The following DACH1 variants were observed in gnomAD, a reference collection of about 807,000 sequenced individuals.
DACH1 encodes the protein dachshund family transcription factor 1.
Under a neutral mutation model 54.2 loss-of-function variants are expected in DACH1, and 12 were observed. The ratio of observed to expected loss-of-function variants is 0.22; its 90% CI spans 0.14 to 0.36. DACH1 has a LOEUF of 0.36. Among genes scored for constraint, DACH1 ranks in the 10% least tolerant of loss-of-function variants. DACH1 has a pLI of 1.00. For synonymous variants in DACH1, 386 were observed against 366.2 expected (o/e 1.05, Z -0.62); for missense variants, 805 against 929.8 (o/e 0.87, Z 1.75).
intron 2 of DACH1, among the ~76,000 whole-genome samples, chr13:71,663,368 A>C (rs2138657757): frequency 6.6e-6 from 1 of 152,186 alleles, no homozygotes; most frequent in South Asian, 2.1e-4. Context: ...AATAAAACAT[A>C]AGAGAAAAAA....
At chr13:71,687,626 G>C (rs1169757299) in intron 1 of DACH1, among the ~76,000 whole-genome samples, 1 of 151,796 alleles carries the variant, frequency 6.6e-6, no homozygotes, top group Non-Finnish European at 1.5e-5. Context: ...TTTGTTTTTT[G>C]ACACAAGGTC....
chr13:71,538,470 C>G (rs1016105869), intron 6 of DACH1, among the ~76,000 whole-genome samples: 10 of 151,708 alleles, frequency 6.6e-5, no homozygotes, highest in African/African-American at 2.2e-4. Context: ...GTCTTCCTTA[C>G]CTATATAAGA....
At chr13:71,600,721 G>T (rs1874428540) in intron 3 of DACH1, among the ~76,000 whole-genome samples, 7 of 151,990 alleles carry the variant, frequency 4.6e-5, no homozygotes. Context: ...GTTATCCACA[G>T]ATAGACTGGT....
At chr13:71,704,958 T>A (rs191142923) in intron 1 of DACH1, among the ~76,000 whole-genome samples, 5 of 152,232 alleles carry the variant, frequency 3.3e-5, no homozygotes, top group Non-Finnish European at 5.9e-5. Flanking sequence ...AATAAAATAA[T>A]TAAAAAAATA....
At chr13:71,780,299 T>A (rs1254806049) in intron 1 of DACH1, among the ~76,000 whole-genome samples, 1 of 152,184 alleles carries the variant, frequency 6.6e-6, no homozygotes, top group African/African-American at 2.4e-5. Context: ...TTGTGCTATA[T>A]AAATTTATAT....
chr13:71,521,569 AAC>A (rs1463906902), intron 6 of DACH1, among the ~76,000 whole-genome samples: 11 of 152,064 alleles, frequency 7.2e-5, no homozygotes, highest in Non-Finnish European at 1.0e-4. Context: ...AAGGCAAGGT[AAC>A]TGTTATTCCT....
chr13:71,801,765 C>A (rs1251896490), intron 1 of DACH1, among the ~76,000 whole-genome samples: 3 of 151,658 alleles, frequency 2.0e-5, no homozygotes, highest in Admixed American at 6.6e-5. Context: ...CTTAACGTGC[C>A]ACCCTTCAGG....
At chr13:71,602,429 TA>T (rs1874563516) in intron 3 of DACH1, among the ~76,000 whole-genome samples, 1 of 151,360 alleles carries the variant, frequency 6.6e-6, no homozygotes, top group Non-Finnish European at 1.5e-5. Flanking sequence ...CTATTCTCCT[TA>T]ACCCTTTTTT....
chr13:71,533,020 A>G (rs1283953923), intron 6 of DACH1, among the ~76,000 whole-genome samples: 1 of 151,904 alleles, frequency 6.6e-6, no homozygotes, highest in Non-Finnish European at 1.5e-5. Context: ...AGAGACAACT[A>G]TTCAGGTTTT....
At chr13:71,732,237 C>T (rs1251830916) in intron 1 of DACH1, among the ~76,000 whole-genome samples, 1 of 152,078 alleles carries the variant, frequency 6.6e-6, no homozygotes, top group African/African-American at 2.4e-5. Context: ...TTCATTACCT[C>T]TTCTACTGTC....
chr13:71,759,298 A>G (rs1885302783), intron 1 of DACH1, among the ~76,000 whole-genome samples: 2 of 152,024 alleles, frequency 1.3e-5, no homozygotes, highest in African/African-American at 4.8e-5. Flanking sequence ...TTCTTCATGG[A>G]AAGACAGCCT....
chr13:71,764,459 T>C (rs1053319370), intron 1 of DACH1, among the ~76,000 whole-genome samples: 2 of 152,134 alleles, frequency 1.3e-5, no homozygotes, highest in Non-Finnish European at 2.9e-5. Flanking sequence ...TACATTTAAT[T>C]ATATAAAACT....
intron 3 of DACH1, among the ~76,000 whole-genome samples, chr13:71,619,410 T>G (rs1433186754): frequency 6.6e-6 from 1 of 151,894 alleles, no homozygotes; most frequent in Non-Finnish European, 1.5e-5. Flanking sequence ...ACTAAATGAG[T>G]ACATCATCAT....
intron 7 of DACH1, among the ~76,000 whole-genome samples, chr13:71,481,986 G>A (rs1878074445): frequency 1.3e-5 from 2 of 152,160 alleles, no homozygotes; most frequent in Admixed American, 6.5e-5. Flanking sequence ...GACAAAAAAC[G>A]ATAGAAGGTT....
chr13:71,462,037 C>CT (rs1389427466), intron 10 of DACH1, among the ~76,000 whole-genome samples: 1 of 151,924 alleles, frequency 6.6e-6, no homozygotes, highest in Non-Finnish European at 1.5e-5. Flanking sequence ...ATCCAGCACT[C>CT]TTTCTCCCAG....
chr13:71,705,156 G>T (rs1313316973), intron 1 of DACH1, among the ~76,000 whole-genome samples: 1 of 152,092 alleles, frequency 6.6e-6, no homozygotes, highest in Non-Finnish European at 1.5e-5. Context: ...GTGTAGGACA[G>T]GACCAAAAAT....
At chr13:71,475,355 C>T (rs1281025572) in intron 9 of DACH1, 146 bp from the exon 10 acceptor site, 5 of 734,838 alleles carry the variant, frequency 6.8e-6, no homozygotes, top group African/African-American at 3.6e-5. Context: ...AAACTGTAAC[C>T]GTAAGAATTT....
rs537407889 is a variant in DACH1 at position 71,680,344 on chromosome 13, G to A, written c.964+1451C>T. 2.1e-4 allele frequency among the ~76,000 whole-genome samples: 32 copies of A among 152,180 alleles called. 1 individual carries two copies. The South Asian group carries it at 6.0e-3, about 29-fold the overall frequency. ...TGGCTGGGTATGGTGGCTCATGCCC[G>A]TAATCCAGGAACTTTGGAAGGCCAA... On this transcript the variant is annotated intron_variant, in intron 2 of 10. Coordinates refer to ENST00000613252, the MANE Select transcript of DACH1 (RefSeq NM_080759.6).
chr13:71,726,033 A>T (rs547557779), intron 1 of DACH1, among the ~76,000 whole-genome samples: 1 of 152,110 alleles, frequency 6.6e-6, no homozygotes, highest in Non-Finnish European at 1.5e-5. Context: ...TAATGAACAC[A>T]TAGTGATTTA....
Sources: gnomAD v4.1 joint callset for allele counts (sites outside exome capture counted in the v4.1 genomes callset) on GRCh38, gnomAD v4.1.1 for gene constraint, MANE v1.5 for transcripts, NCBI Gene and HGNC (gene_info 2026-07-23, HGNC 2026-07-21) for gene names.